LTBP1: variants seen among roughly 807,000 people sequenced by gnomAD.
LTBP1 encodes latent transforming growth factor beta binding protein 1, also known as latent-transforming growth factor beta-binding protein 1.
A neutral mutation model predicts 207.6 loss-of-function variants in LTBP1; 129 were observed. The observed-to-expected ratio is 0.62, with a 90% CI of 0.54 to 0.72. LTBP1 has a LOEUF of 0.72. Ranked by LOEUF, LTBP1 falls within the 30% of genes least tolerant of loss-of-function variation. LTBP1 has a pLI of 0.00. For synonymous variants in LTBP1, 963 were observed against 833.7 expected (o/e 1.16, Z -2.67); for missense variants, 2,281 against 2,217.2 (o/e 1.03, Z -0.58).
chr2:33,092,372 G>A (rs1169106350), intron 3 of LTBP1, among the ~76,000 whole-genome samples: 4 of 152,188 alleles, frequency 2.6e-5, no homozygotes, highest in African/African-American at 7.2e-5. Flanking sequence ...AAAATACCAA[G>A]TTTATTGAAA....
chr2:33,189,085 T>G (rs2087541582), intron 7 of LTBP1, among the ~76,000 whole-genome samples: 1 of 152,218 alleles, frequency 6.6e-6, no homozygotes, highest in African/African-American at 2.4e-5. Context: ...AATAGTCCAG[T>G]GAGATCATAT....
chr2:32,947,552 C>CGAG lies in LTBP1; in HGVS notation c.228_229insGAG (p.Ser76_Pro77insGlu). 7.3e-7 allele frequency: 1 copy of CGAG among 1,366,456 alleles called. No homozygotes were observed. The highest frequency in any genetic ancestry group is 1.5e-5 in the African/African-American group (1 of 65,398). The allele number at this position is 1,366,456 out of a possible 1,614,324, so 84.6% of individuals were successfully genotyped here. The stretch of plus-strand genomic sequence containing the variant: ...CTGCCGGCGCCCCCAGCCGTGCCTC[C>CGAG]CCCGGGGTCCCCTCGGAGAGGACCC... On this transcript the variant is annotated inframe_insertion, in exon 1 of 34. Transcript: ENST00000404816.
chr2:33,090,965 G>A (rs958156270), intron 3 of LTBP1, among the ~76,000 whole-genome samples: 1 of 152,176 alleles, frequency 6.6e-6, no homozygotes, highest in Non-Finnish European at 1.5e-5. Flanking sequence ...GACCTGAGAG[G>A]ATGCTGCTTG....
At chr2:32,979,043 A>G (rs1213412177) in intron 2 of LTBP1, among the ~76,000 whole-genome samples, 1 of 151,624 alleles carries the variant, frequency 6.6e-6, no homozygotes, top group Non-Finnish European at 1.5e-5. Context: ...ATCAATTGTT[A>G]TGTAGTTTTT....
At chr2:33,210,447 T>C (rs1336073387) in intron 7 of LTBP1, among the ~76,000 whole-genome samples, 1 of 152,222 alleles carries the variant, frequency 6.6e-6, no homozygotes, top group Non-Finnish European at 1.5e-5. Flanking sequence ...CACTTTACCT[T>C]TATAAAAACA....
chr2:33,133,254 A>AT (rs1158332509), intron 4 of LTBP1, among the ~76,000 whole-genome samples: 1 of 152,120 alleles, frequency 6.6e-6, no homozygotes, highest in Non-Finnish European at 1.5e-5. Flanking sequence ...TCTTGGGATG[A>AT]TTTTCTGAAA....
intron 20 of LTBP1, among the ~76,000 whole-genome samples, chr2:33,297,106 A>G (rs1304192473): frequency 6.6e-6 from 1 of 152,198 alleles, no homozygotes; most frequent in Non-Finnish European, 1.5e-5. Context: ...ACTGAATACA[A>G]AGGGGAGTAA....
intron 3 of LTBP1, among the ~76,000 whole-genome samples, chr2:33,066,279 A>G (rs764365482): frequency 2.6e-5 from 4 of 152,194 alleles, no homozygotes; most frequent in Non-Finnish European, 5.9e-5. Context: ...TATGTTGTCT[A>G]TAGCTGCTTT....
At chr2:33,119,717 C>T (rs1390013590) in intron 4 of LTBP1, among the ~76,000 whole-genome samples, 1 of 152,120 alleles carries the variant, frequency 6.6e-6, no homozygotes, top group East Asian at 1.9e-4. Context: ...GCCACCACGC[C>T]TGGCTAATTT....
chr2:33,387,812 G>A (rs987011009), intron 31 of LTBP1, among the ~76,000 whole-genome samples: 1 of 151,288 alleles, frequency 6.6e-6, no homozygotes, highest in African/African-American at 2.4e-5. Flanking sequence ...TGCCTTGCGC[G>A]ACAATAGAGG....
intron 4 of LTBP1, among the ~76,000 whole-genome samples, chr2:33,117,343 G>A (rs551314071): frequency 3.3e-5 from 5 of 152,266 alleles, no homozygotes; most frequent in African/African-American, 7.2e-5. Context: ...CGAGAAGCAC[G>A]GCAAGTCACG....
chr2:33,163,684 T>C (rs58192183), intron 5 of LTBP1, among the ~76,000 whole-genome samples: 5,461 of 152,334 alleles, frequency 0.036, 137 homozygotes, highest in Middle Eastern at 0.15. Context: ...ATTTTATGTG[T>C]ATTCATACAT....
chr2:33,251,154 C>T (rs1022041466), intron 10 of LTBP1, among the ~76,000 whole-genome samples: 3 of 152,202 alleles, frequency 2.0e-5, no homozygotes, highest in Non-Finnish European at 4.4e-5. Flanking sequence ...GACTGGCCCA[C>T]CTGGTAGCCT....
chr2:33,018,500 G>A (rs1688700845), intron 2 of LTBP1, among the ~76,000 whole-genome samples: 1 of 152,196 alleles, frequency 6.6e-6, no homozygotes, highest in Admixed American at 6.5e-5. Flanking sequence ...CCAAGGCACA[G>A]CTTTGAAAGC....
intron 2 of LTBP1, among the ~76,000 whole-genome samples, chr2:33,004,129 G>A (rs983987731): frequency 1.3e-5 from 2 of 149,576 alleles, no homozygotes; most frequent in East Asian, 2.0e-4. Flanking sequence ...AGTCTGCCTC[G>A]CTGATTGTTA....
At chr2:33,013,909 T>C (rs1688001202) in intron 2 of LTBP1, among the ~76,000 whole-genome samples, 1 of 152,220 alleles carries the variant, frequency 6.6e-6, no homozygotes, top group African/African-American at 2.4e-5. Context: ...CATGAGATTC[T>C]GTACCCAGCC....
chr2:33,201,654 A>C (rs969886029), intron 7 of LTBP1, among the ~76,000 whole-genome samples: 11 of 152,180 alleles, frequency 7.2e-5, no homozygotes, highest in Admixed American at 7.2e-4. Flanking sequence ...GAAGAAGAAA[A>C]AAAAAGAAAC....
intron 3 of LTBP1, among the ~76,000 whole-genome samples, chr2:33,101,121 A>C (rs1002747430): frequency 1.3e-5 from 2 of 152,180 alleles, no homozygotes; most frequent in African/African-American, 4.8e-5. Context: ...GATTTTTCAC[A>C]GTGCTTGTAG....
intron 23 of LTBP1, among the ~76,000 whole-genome samples, chr2:33,314,550 A>C (rs1345311502): frequency 1.3e-5 from 2 of 152,210 alleles, no homozygotes; most frequent in Non-Finnish European, 2.9e-5. Flanking sequence ...CCTGTCTCTA[A>C]AATAACTAAA....
Sources: allele counts gnomAD v4.1 joint callset (sites outside exome capture counted in the v4.1 genomes callset), GRCh38; gene constraint gnomAD v4.1.1; transcripts MANE v1.5; gene names NCBI Gene and HGNC (gene_info 2026-07-23, HGNC 2026-07-21).